Variants in FBXO15 observed in about 807,000 individuals in gnomAD.
FBXO15 encodes F-box protein 15, also known as F-box only protein 15.
Under a neutral mutation model 49.5 loss-of-function variants are expected in FBXO15, and 30 were observed. That is an observed-to-expected ratio of 0.61 (90% CI 0.45 to 0.82). FBXO15 has a LOEUF of 0.82. FBXO15 is among the 40% of genes least tolerant of loss of function. The pLI is 0.00. For synonymous variants in FBXO15, 250 were observed against 232.7 expected (o/e 1.07, Z -0.68); for missense variants, 591 against 631.5 (o/e 0.94, Z 0.69).
At chr18:74,142,843 G>A (rs1295377332) in intron 1 of FBXO15, among the ~76,000 whole-genome samples, 1 of 152,058 alleles carries the variant, frequency 6.6e-6, no homozygotes, top group East Asian at 1.9e-4. Context: ...AGTCAACACA[G>A]TAAACAAATT....
chr18:74,118,100 G>A (rs751097993), intron 8 of FBXO15, among the ~76,000 whole-genome samples: 2 of 150,898 alleles, frequency 1.3e-5, no homozygotes, highest in Non-Finnish European at 2.9e-5. Flanking sequence ...TGGAACTCTC[G>A]ATCCTCCCAC....
In FBXO15 at chr18:74,125,967, A is replaced by T. The variant is rs1358576961; in HGVS notation, c.912+8T>A. On this transcript the variant is annotated splice_region_variant and intron_variant, in intron 6 of 9. Transcript: ENST00000419743. ...ATGACACAGTACATACAGGGACTCA[A>T]GTCTTACCTTCCACACTCCCACCAG... The T allele has an allele frequency of 6.2e-7, 1 of 1,613,906 alleles. No individual in the cohort carries two copies. The highest frequency in any genetic ancestry group is 2.2e-5 in the East Asian group (1 of 44,882).
At chr18:74,090,181 CTA>C (rs546991378) in intron 8 of FBXO15, among the ~76,000 whole-genome samples, 11 of 152,090 alleles carry the variant, frequency 7.2e-5, no homozygotes, top group Non-Finnish European at 1.2e-4. Flanking sequence ...TCCATTTCTT[CTA>C]TGTTTTCTAG....
At chr18:74,088,219 T>C (rs1912835920) in intron 8 of FBXO15, among the ~76,000 whole-genome samples, 1 of 152,232 alleles carries the variant, frequency 6.6e-6, no homozygotes, top group South Asian at 2.1e-4. Context: ...AAGTCCCATT[T>C]GTCAATTTTT....
rs1163780990 is a variant in FBXO15, at chr18:74,074,529, C to G, written c.1264-799G>C. Among the ~76,000 whole-genome samples the G allele has an allele frequency of 1.3e-5, 2 of 152,174 alleles. No individual in the cohort carries two copies. Among genetic ancestry groups the G allele is most frequent in the Non-Finnish European group, 2.9e-5 (2 of 68,036 alleles). ...AAGTGGTCCACTTTCACTATCCATG[C>G]CTCAGGCACCCTGTCTTCTAACTGC... On this transcript the variant is annotated intron_variant, in intron 9 of 9. Coordinates refer to ENST00000419743, the MANE Select transcript of FBXO15 (RefSeq NM_001142958.2). This position sits in a 1 kb window ranked among gnomAD's most constrained non-coding sequence, Gnocchi z 4.7.
At chr18:74,138,911 C>A (rs1028966095) in intron 2 of FBXO15, among the ~76,000 whole-genome samples, 4 of 152,162 alleles carry the variant, frequency 2.6e-5, no homozygotes, top group African/African-American at 9.7e-5. Flanking sequence ...TCCGTCTTCC[C>A]TACTTCTAGA....
chr18:74,127,515 A>C (rs1014853717), intron 5 of FBXO15, among the ~76,000 whole-genome samples: 35 of 152,206 alleles, frequency 2.3e-4, no homozygotes, highest in African/African-American at 7.2e-4. Context: ...TAGAGGAAAC[A>C]AAAAAGACCC....
chr18:74,090,006 T>C (rs1373242949), intron 8 of FBXO15, among the ~76,000 whole-genome samples: 3 of 152,198 alleles, frequency 2.0e-5, no homozygotes, highest in Admixed American at 2.0e-4. Flanking sequence ...AGCTCTTCTT[T>C]ATACAGCTGG....
At chr18:74,076,566 C>G (rs892451647) in intron 9 of FBXO15, 4 of 152,122 alleles carry the variant, frequency 2.6e-5, no homozygotes, top group Non-Finnish European at 5.9e-5. Context: ...TAAAAGCCAC[C>G]CAGCTGATGG....
Position 74,147,715 on chromosome 18 carries a change from C to T in FBXO15, c.71G>A (p.Arg24Lys). Residue 24 changes from arginine to lysine, a missense_variant, in exon 1 of 10, where the codon AGG becomes AAG. Transcript: ENST00000419743. ...GCGCCCCCGGGCCGCGCCACCGCCC[C>T]TGCTGGGCCCGCGCAGCGTCTGGAG... ...LGLQTLRGPS[R>K]GGGAARGRAR... is the part of the protein sequence containing the mutation. 6.5e-7 allele frequency: 1 copy of T among 1,532,788 alleles called. No individual in the cohort carries two copies. 94.9% of individuals were successfully genotyped at this position (1,532,788 alleles called of 1,614,324 possible).
At chr18:74,088,045 C>T (rs980534802) in intron 8 of FBXO15, among the ~76,000 whole-genome samples, 2 of 152,140 alleles carry the variant, frequency 1.3e-5, no homozygotes, top group African/African-American at 4.8e-5. Context: ...TGTCCTTTGC[C>T]TACTTTTTAA....
chr18:74,122,262 G>C (rs1015710322), intron 8 of FBXO15, among the ~76,000 whole-genome samples: 1 of 152,178 alleles, frequency 6.6e-6, no homozygotes, highest in Non-Finnish European at 1.5e-5. Context: ...CTTATCAGTG[G>C]GCCAGCCATA....
intron 2 of FBXO15, among the ~76,000 whole-genome samples, chr18:74,136,975 T>G (rs1317115709): frequency 6.6e-6 from 1 of 152,200 alleles, no homozygotes; most frequent in Admixed American, 6.5e-5. Context: ...GGAAATGAGG[T>G]AACTGGGTGT....
intron 4 of FBXO15, 108 bp downstream of exon 4, chr18:74,130,308 A>C: frequency 1.4e-6 from 2 of 1,425,240 alleles, no homozygotes; most frequent in South Asian, 3.0e-5. Flanking sequence ...TGCACAAAAC[A>C]CACAAAAATA....
chr18:74,140,424 A>C (rs1483244907), intron 1 of FBXO15, 112 bp from the exon 2 acceptor site: 4 of 944,054 alleles, frequency 4.2e-6, no homozygotes, highest in Admixed American at 7.1e-5. Flanking sequence ...TACTCACTGA[A>C]AAACTTAATT....
chr18:74,139,781 A>T (rs1193161845), intron 2 of FBXO15, among the ~76,000 whole-genome samples: 2 of 152,326 alleles, frequency 1.3e-5, no homozygotes, highest in East Asian at 3.9e-4. Context: ...GCTTCTGTGG[A>T]TCTTGGTGCT....
Position 74,111,806 on chromosome 18 carries a change from G to T in FBXO15, c.1138+11562C>A, listed in dbSNP as rs1198893409. Among the ~76,000 whole-genome samples, 3 of 151,896 alleles carry T rather than the reference G, an allele frequency of 2.0e-5. No individual in the cohort carries two copies. In the East Asian group the frequency reaches 5.8e-4, roughly 29 times the overall value. ...ATAAGCATCTAGCAAGGTAAACTAAGAAAAAACAAGAGAATACAAATTGTT... is the reference window on the plus strand; with the variant it reads ...ATAAGCATCTAGCAAGGTAAACTAATAAAAAACAAGAGAATACAAATTGTT... On this transcript the variant is annotated intron_variant, in intron 8 of 9. Coordinates refer to ENST00000419743, the MANE Select transcript of FBXO15 (RefSeq NM_001142958.2).
chr18:74,146,822 T>C (rs1042345243), intron 1 of FBXO15, among the ~76,000 whole-genome samples: 1 of 152,174 alleles, frequency 6.6e-6, no homozygotes, highest in Admixed American at 6.5e-5. Context: ...TAGACTCCCT[T>C]TGTGTGCTTA....
At chr18:74,139,165 G>A (rs959054052) in intron 2 of FBXO15, among the ~76,000 whole-genome samples, 3 of 151,994 alleles carry the variant, frequency 2.0e-5, no homozygotes, top group Non-Finnish European at 2.9e-5. Flanking sequence ...TCCTCACCAC[G>A]CCACCCCATT....
Sources: gnomAD v4.1 joint callset for allele counts (sites outside exome capture counted in the v4.1 genomes callset) on GRCh38, gnomAD v4.1.1 for gene constraint, Gnocchi (gnomAD v3.1) non-coding constraint, MANE v1.5 for transcripts, NCBI Gene and HGNC (gene_info 2026-07-23, HGNC 2026-07-21) for gene names.